DLGAP2: variants seen among roughly 807,000 people sequenced by gnomAD.
DLGAP2 encodes disks large-associated protein 2.
DLGAP2 carries 26 observed loss-of-function variants against 100.3 expected under a neutral mutation model. The observed-to-expected ratio is 0.26, with a 90% confidence interval of 0.19 to 0.36. The LOEUF is 0.36. DLGAP2 is among the 10% of genes least tolerant of loss of function. The pLI, the probability that DLGAP2 is intolerant of heterozygous loss-of-function variation, is 1.00. For missense variants in DLGAP2, 1,858 were observed against 1,453.2 expected (o/e 1.28, Z -4.53); for synonymous variants, 886 against 630.1 (o/e 1.41, Z -6.08).
chr8:848,001 T>A (rs528098072), intron 1 of DLGAP2, among the ~76,000 whole-genome samples: 3 of 152,274 alleles, frequency 2.0e-5, no homozygotes, highest in African/African-American at 7.2e-5. Flanking sequence ...TCTGCTAAGA[T>A]CTTGTTTAGT....
intron 2 of DLGAP2, among the ~76,000 whole-genome samples, chr8:1,181,260 G>A (rs1667983934): frequency 1.3e-5 from 2 of 151,904 alleles, no homozygotes; most frequent in South Asian, 4.2e-4. Context: ...TGTCGAGTGT[G>A]GGTGGCACAC....
chr8:1,534,798 G>C (rs1414542850), intron 4 of DLGAP2, among the ~76,000 whole-genome samples: 2 of 152,006 alleles, frequency 1.3e-5, no homozygotes, highest in Non-Finnish European at 2.9e-5. Flanking sequence ...GTGAGTGTAA[G>C]TGTGTGTGCG....
intron 3 of DLGAP2, among the ~76,000 whole-genome samples, chr8:1,391,888 T>G (rs886094294): frequency 3.9e-5 from 6 of 152,268 alleles, no homozygotes; most frequent in African/African-American, 1.2e-4. Context: ...TGAACGCTTG[T>G]GCGTCCACCT....
rs148206857 is a variant in DLGAP2 at position 1,155,838 on chromosome 8, G to A, written c.74-103013G>A. Among the ~76,000 whole-genome samples, 1,031 of 152,300 alleles carry A rather than the reference G, an allele frequency of 6.8e-3. 15 individuals are homozygous for A. Among genetic ancestry groups the A allele is most frequent in the African/African-American group, 0.023 (975 of 41,578 alleles). On this transcript the variant is annotated intron_variant, in intron 2 of 14. Transcript: ENST00000637795. ...AATGAACACACGATCTCGAGTGGGC[G>A]AGCGGCGTGTGTGGAGAGGAAGATG...
intron 2 of DLGAP2, among the ~76,000 whole-genome samples, chr8:1,064,207 A>G (rs1803175066): frequency 6.6e-6 from 1 of 152,238 alleles, no homozygotes; most frequent in Non-Finnish European, 1.5e-5. Flanking sequence ...CTCAACAGTA[A>G]GTACCTGCAA....
chr8:1,104,308 C>T (rs1000631603), intron 2 of DLGAP2, among the ~76,000 whole-genome samples: 1 of 151,998 alleles, frequency 6.6e-6, no homozygotes, highest in African/African-American at 2.4e-5. Flanking sequence ...GTTCCAGCCG[C>T]AGGATCAGCA....
At chr8:945,219 AG>A (rs1485297429) in intron 2 of DLGAP2, among the ~76,000 whole-genome samples, 1 of 152,178 alleles carries the variant, frequency 6.6e-6, no homozygotes, top group African/African-American at 2.4e-5. Flanking sequence ...TTTAAATCCA[AG>A]GCACCAGCAG....
chr8:1,221,087 T>C (rs534820383), intron 2 of DLGAP2, among the ~76,000 whole-genome samples: 2 of 152,218 alleles, frequency 1.3e-5, no homozygotes, highest in African/African-American at 4.8e-5. Context: ...TGGGGGTGTT[T>C]AGCCTGTTTA....
chr8:817,803 G>T (rs1042933390), intron 1 of DLGAP2, among the ~76,000 whole-genome samples: 1 of 152,200 alleles, frequency 6.6e-6, no homozygotes, highest in Non-Finnish European at 1.5e-5. Flanking sequence ...GCAGAGTCCT[G>T]TGATGTGATT....
chr8:1,470,012 A>AG (rs397972363), intron 3 of DLGAP2, among the ~76,000 whole-genome samples: 31 of 150,934 alleles, frequency 2.1e-4, no homozygotes, highest in Non-Finnish European at 4.1e-4. Context: ...AGAAAAAAAA[A>AG]TTAGCCAAGC....
chr8:1,227,829 A>G (rs1798453089), intron 2 of DLGAP2, among the ~76,000 whole-genome samples: 1 of 152,190 alleles, frequency 6.6e-6, no homozygotes, highest in South Asian at 2.1e-4. Context: ...TCTATCATAC[A>G]ACAGGAGAAT....
chr8:1,526,272 C>T (rs556912188), intron 4 of DLGAP2, among the ~76,000 whole-genome samples: 56 of 151,968 alleles, frequency 3.7e-4, no homozygotes, highest in African/African-American at 1.3e-3. Flanking sequence ...GTCCATAGCC[C>T]TGCTCTGTGA....
rs548610289 is a variant in DLGAP2, at chr8:1,307,851, C to T, written c.106+48968C>T. ...AGACAGAAAGTAGAAAGGAGGCTGC[C>T]GGGGACTGGGCGCTGGAGGGAAGGA... is the stretch of plus-strand genomic sequence containing the variant. On this transcript the variant is annotated intron_variant, in intron 3 of 14. Transcript: ENST00000637795. Among the ~76,000 whole-genome samples the T allele has an allele frequency of 9.6e-4, 146 of 152,110 alleles. 1 individual carries two copies. Among genetic ancestry groups the T allele is most frequent in the Non-Finnish European group, 1.7e-3 (115 of 67,988 alleles).
chr8:787,090 G>A (rs956492734), intron 1 of DLGAP2, among the ~76,000 whole-genome samples: 1 of 152,122 alleles, frequency 6.6e-6, no homozygotes, highest in Non-Finnish European at 1.5e-5. Context: ...ATTATTCTAG[G>A]TAAACTGACG....
At chr8:1,182,370 G>A (rs930489368) in intron 2 of DLGAP2, among the ~76,000 whole-genome samples, 3 of 152,262 alleles carry the variant, frequency 2.0e-5, no homozygotes, top group African/African-American at 7.2e-5. Context: ...TGGACTGAGA[G>A]TTGGCCCTTG....
chr8:1,574,339 C>T (rs1364150571), intron 6 of DLGAP2, among the ~76,000 whole-genome samples: 1 of 152,132 alleles, frequency 6.6e-6, no homozygotes, highest in Non-Finnish European at 1.5e-5. Context: ...CCAAGAACAA[C>T]AGCCATCCCA....
At chr8:1,308,627 G>GT (rs779789106) in intron 3 of DLGAP2, among the ~76,000 whole-genome samples, 2 of 152,314 alleles carry the variant, frequency 1.3e-5, no homozygotes, top group South Asian at 2.1e-4. Flanking sequence ...CTGGGTTCAA[G>GT]TGATTCTCCT....
At chr8:839,475 GAAAGACAAATGC>G (rs1450331475) in intron 1 of DLGAP2, among the ~76,000 whole-genome samples, 2 of 152,222 alleles carry the variant, frequency 1.3e-5, no homozygotes, top group African/African-American at 4.8e-5. Context: ...GCCAGGCGCA[GAAAGACAAATGC>G]CACCTGTGCT....
intron 1 of DLGAP2, among the ~76,000 whole-genome samples, chr8:839,668 C>T (rs1389934689): frequency 6.6e-6 from 1 of 152,192 alleles, no homozygotes; most frequent in Non-Finnish European, 1.5e-5. Flanking sequence ...ACCTGTCCCT[C>T]TGTGTGCCTC....
Sources: gnomAD v4.1 joint callset for allele counts (sites outside exome capture counted in the v4.1 genomes callset) on GRCh38, gnomAD v4.1.1 for gene constraint, MANE v1.5 for transcripts, NCBI Gene and HGNC (gene_info 2026-07-23, HGNC 2026-07-21) for gene names.